Variants in KCNIP1 observed in about 807,000 individuals in gnomAD.
KCNIP1 encodes the protein A-type potassium channel modulatory protein KCNIP1.
KCNIP1 carries 18 observed loss-of-function variants against 33.0 expected under a neutral mutation model. The observed-to-expected ratio is 0.55, with a 90% CI of 0.38 to 0.81. KCNIP1 has a LOEUF of 0.81. Among genes scored for constraint, KCNIP1 ranks in the 30% least tolerant of loss-of-function variants. The probability of loss-of-function intolerance (pLI) is 0.00; values close to 1 mark genes in which losing one functional copy is unlikely to be tolerated. For missense variants in KCNIP1, 238 were observed against 271.6 expected (o/e 0.88, Z 0.87); for synonymous variants, 93 against 98.3 (o/e 0.95, Z 0.32).
chr5:170,713,987 G>C (rs1763550837), intron 1 of KCNIP1, among the ~76,000 whole-genome samples: 1 of 151,686 alleles, frequency 6.6e-6, no homozygotes, highest in Admixed American at 6.6e-5. Flanking sequence ...TCACACCATT[G>C]CACTCCAGCT....
chr5:170,408,073 A>G (rs1276863438), intron 1 of KCNIP1, among the ~76,000 whole-genome samples: 1 of 152,238 alleles, frequency 6.6e-6, no homozygotes, highest in Non-Finnish European at 1.5e-5. Flanking sequence ...GGGTGGTAAT[A>G]TGAGTGGACC....
intron 1 of KCNIP1, among the ~76,000 whole-genome samples, chr5:170,635,058 C>T (rs866938148): frequency 3.2e-4 from 48 of 152,262 alleles, no homozygotes; most frequent in Middle Eastern, 3.4e-3. Context: ...GAGACAGAGA[C>T]TCGCTTTGTC....
chr5:170,356,914 G>T (rs988466398), intron 1 of KCNIP1, among the ~76,000 whole-genome samples: 2 of 152,142 alleles, frequency 1.3e-5, no homozygotes, highest in South Asian at 4.1e-4. Flanking sequence ...AGCTGAGTCT[G>T]CAGCCTCCAG....
At chr5:170,597,304 T>C (rs551893924) in intron 1 of KCNIP1, among the ~76,000 whole-genome samples, 2 of 152,314 alleles carry the variant, frequency 1.3e-5, no homozygotes, top group South Asian at 2.1e-4. Context: ...GGACTGACTC[T>C]CATTCTCCCG....
At chr5:170,559,815 G>A (rs1369128099) in intron 1 of KCNIP1, among the ~76,000 whole-genome samples, 2 of 152,174 alleles carry the variant, frequency 1.3e-5, no homozygotes, top group Non-Finnish European at 2.9e-5. Flanking sequence ...CCTCAAGGTA[G>A]GCAGATGCCC....
intron 1 of KCNIP1, among the ~76,000 whole-genome samples, chr5:170,636,951 G>T (rs1205021164): frequency 6.6e-6 from 1 of 152,094 alleles, no homozygotes; most frequent in East Asian, 1.9e-4. Context: ...AAACCAGGCT[G>T]TCTGAATCCA....
At chr5:170,502,053 GA>G (rs1434579689), upstream of KCNIP1, among the ~76,000 whole-genome samples, 1 of 152,226 alleles carries the variant, frequency 6.6e-6, no homozygotes, top group Non-Finnish European at 1.5e-5. Flanking sequence ...GGTTCCCCAG[GA>G]GACCACGACA....
intron 1 of KCNIP1, among the ~76,000 whole-genome samples, chr5:170,453,708 A>G (rs1242724961): frequency 6.6e-6 from 1 of 152,150 alleles, no homozygotes; most frequent in South Asian, 2.1e-4. Context: ...CTCCTTTATG[A>G]TGGAAGATTC....
intron 1 of KCNIP1, among the ~76,000 whole-genome samples, chr5:170,414,624 A>G (rs1043756353): frequency 1.3e-5 from 2 of 152,220 alleles, no homozygotes; most frequent in African/African-American, 2.4e-5. Flanking sequence ...TCATTGCTCA[A>G]TTAAACTCTT....
intron 1 of KCNIP1, among the ~76,000 whole-genome samples, chr5:170,476,055 A>G (rs1756851256): frequency 6.6e-6 from 1 of 151,698 alleles, no homozygotes; most frequent in Non-Finnish European, 1.5e-5. Flanking sequence ...CTGCAGCCTC[A>G]ACCTCTGCAG....
intron 1 of KCNIP1, among the ~76,000 whole-genome samples, chr5:170,468,555 G>A (rs954118815): frequency 1.3e-5 from 2 of 152,152 alleles, no homozygotes; most frequent in African/African-American, 2.4e-5. Flanking sequence ...TGCTCTTGAG[G>A]GCATCTAATT....
chr5:170,504,119 C>T lies in KCNIP1; in HGVS notation c.-454C>T. ...GGGCTCTGTTCATTCATGATTGGTACTCGGCCCTCCGAGACCCAGCCCGAG... is the reference window on the plus strand; with the variant it reads ...GGGCTCTGTTCATTCATGATTGGTATTCGGCCCTCCGAGACCCAGCCCGAG... On this transcript the variant is annotated 5_prime_UTR_variant, in exon 1 of 8. Coordinates refer to ENST00000328939, the MANE Select transcript of KCNIP1 (RefSeq NM_014592.4). The surrounding 1 kb of genome is among the most constrained non-coding windows in gnomAD (Gnocchi z 6.0). The T allele has an allele frequency of 1.0e-6, 1 of 990,016 alleles. No individual in the cohort carries two copies. Among genetic ancestry groups the T allele is most frequent in the South Asian group, 4.7e-5 (1 of 21,394 alleles). 61.3% of individuals were successfully genotyped at this position (990,016 alleles called of 1,614,324 possible). A position where few individuals can be genotyped will look rare whatever the true frequency, so the allele number is the denominator to read the frequency against.
intron 1 of KCNIP1, among the ~76,000 whole-genome samples, chr5:170,497,815 G>A (rs1314412351): frequency 6.6e-6 from 1 of 152,214 alleles, no homozygotes; most frequent in African/African-American, 2.4e-5. Context: ...GTAACTGGGA[G>A]GGCTTTACCG....
chr5:170,539,286 A>G (rs972975514), intron 1 of KCNIP1, among the ~76,000 whole-genome samples: 3 of 152,150 alleles, frequency 2.0e-5, no homozygotes, highest in Non-Finnish European at 4.4e-5. Context: ...TTCATTCCCC[A>G]GCATGAAACT....
Position 170,610,724 on chromosome 5 carries a change from C to T in KCNIP1, c.61+106091C>T, listed in dbSNP as rs566763977. Among the ~76,000 whole-genome samples, 16 of 152,214 alleles carry T rather than the reference C, an allele frequency of 1.1e-4. No homozygotes were observed. The South Asian group carries it at 2.5e-3, about 24-fold the overall frequency. ...GTAAAAATTCAATGGGCTAACAGAC[C>T]GTATGCTTAGTATGGTGCTTAGTAT... On this transcript the variant is annotated intron_variant, in intron 1 of 7. Coordinates refer to ENST00000328939, the MANE Select transcript of KCNIP1 (RefSeq NM_014592.4).
intron 1 of KCNIP1, among the ~76,000 whole-genome samples, chr5:170,598,904 CGTGTGTGTGTGT>C (rs70979192): frequency 1.4e-4 from 19 of 133,776 alleles, no homozygotes; most frequent in South Asian, 5.3e-4. Context: ...TGTGTGTGCG[CGTGTGTGTGTGT>C]GTGTGTGTGT....
intron 1 of KCNIP1, among the ~76,000 whole-genome samples, chr5:170,594,450 G>A (rs1310430573): frequency 1.3e-5 from 2 of 152,196 alleles, no homozygotes; most frequent in Non-Finnish European, 2.9e-5. Context: ...GAAAGCCAGG[G>A]TTCCAAGACA....
upstream of KCNIP1, among the ~76,000 whole-genome samples, chr5:170,502,798 G>T (rs931731444): frequency 6.6e-6 from 1 of 152,066 alleles, no homozygotes; most frequent in Non-Finnish European, 1.5e-5. Context: ...GATCCTCAGT[G>T]TCAATCAAAA....
Position 170,688,838 on chromosome 5 carries a change from A to G in KCNIP1, c.62-29920A>G, listed in dbSNP as rs973626211. Among the ~76,000 whole-genome samples the G allele has an allele frequency of 8.5e-5, 13 of 152,306 alleles. No individual in the cohort carries two copies. In the South Asian group the frequency reaches 2.5e-3, roughly 29 times the overall value. On this transcript the variant is annotated intron_variant, in intron 1 of 7. Coordinates refer to ENST00000328939, the MANE Select transcript of KCNIP1 (RefSeq NM_014592.4). ...TCCACCCTGCACCATTTACTACAAA[A>G]TGGGCTGATCCTATGGAAGCACACT...
Sources: allele counts gnomAD v4.1 joint callset (sites outside exome capture counted in the v4.1 genomes callset), GRCh38; gene constraint gnomAD v4.1.1; non-coding constraint Gnocchi (gnomAD v3.1); transcripts MANE v1.5; gene names NCBI Gene and HGNC (gene_info 2026-07-23, HGNC 2026-07-21).